TSPAN1: variants seen among roughly 807,000 people sequenced by gnomAD.
The protein encoded by TSPAN1 is tetraspanin-1.
TSPAN1 carries 23 observed loss-of-function variants against 26.9 expected under a neutral mutation model. That is an observed-to-expected ratio of 0.85 (90% CI 0.62 to 1.21). The LOEUF (loss-of-function observed/expected upper bound fraction) is 1.21, where lower values mean the gene tolerates loss of function less well. Among genes scored for constraint, TSPAN1 ranks in the 50% most tolerant of loss-of-function variants. The pLI is 0.00. For missense variants in TSPAN1, 283 were observed against 298.4 expected (o/e 0.95, Z 0.38); for synonymous variants, 115 against 114.8 (o/e 1.00, Z -0.01).
chr1:46,189,146 C>T (rs1657539778), downstream of TSPAN1: 1 of 1,498,330 alleles, frequency 6.7e-7, no homozygotes. Context: ...GTAATTAAGT[C>T]TCATGTTAAA....
Position 46,181,098 on chromosome 1 carries a change from A to G in TSPAN1, c.-8-2A>G. 1 of 1,613,854 alleles carries G rather than the reference A, an allele frequency of 6.2e-7. No homozygotes were observed. The highest frequency in any genetic ancestry group is 8.5e-7 in the Non-Finnish European group (1 of 1,179,862). On this transcript the variant is annotated splice_acceptor_variant, in intron 2 of 8. Coordinates refer to ENST00000372003, the MANE Select transcript of TSPAN1 (RefSeq NM_005727.4). LOFTEE classifies it low-confidence loss of function (5UTR_SPLICE). ...CCTAACTTGCACATGTCTACCTCCC[A>G]GGAGCCACCATGCAGTGCTTCAGCT...
At chr1:46,189,656 C>A (rs1657596002), downstream of TSPAN1, 2 of 1,555,318 alleles carry the variant, frequency 1.3e-6, no homozygotes, top group Admixed American at 3.9e-5. Flanking sequence ...CCCCACCCCT[C>A]CTCAGAAACC....
downstream of TSPAN1, chr1:46,190,816 C>T (rs762696315): frequency 2.4e-5 from 38 of 1,572,204 alleles, no homozygotes; most frequent in South Asian, 4.1e-4. Flanking sequence ...AAATCAGCAC[C>T]TCACATTGTC....
intron 2 of TSPAN1, 67 bp from the exon 3 acceptor site, chr1:46,181,033 A>C: frequency 7.0e-7 from 1 of 1,430,026 alleles, no homozygotes; most frequent in Non-Finnish European, 9.8e-7. Context: ...TGAATATCTG[A>C]AGCCAGGGCC....
At chr1:46,189,299 C>T (rs759578024), downstream of TSPAN1, 6 of 1,613,794 alleles carry the variant, frequency 3.7e-6, no homozygotes, top group Non-Finnish European at 5.1e-6. Flanking sequence ...CCTGGGGCTC[C>T]CTCCTCCTTT....
the TSPAN1 span, chr1:46,192,075 C>T: frequency 4.4e-6 from 7 of 1,608,816 alleles, no homozygotes; most frequent in South Asian, 2.2e-5. Flanking sequence ...CACACTGTGC[C>T]CTGCTCCCTG....
the TSPAN1 span, chr1:46,193,874 G>A: frequency 2.5e-6 from 4 of 1,614,006 alleles, no homozygotes; most frequent in African/African-American, 1.3e-5. Context: ...TAATTGGGTC[G>A]GTTCCCTGCA....
chr1:46,193,346 G>C, the TSPAN1 span: 4 of 1,613,512 alleles, frequency 2.5e-6, no homozygotes, highest in Non-Finnish European at 3.4e-6. Flanking sequence ...GGAGTATGCT[G>C]GATGCCCCTC....
At chr1:46,188,648 C>G, downstream of TSPAN1, 1 of 1,550,044 alleles carries the variant, frequency 6.5e-7, no homozygotes, top group Non-Finnish European at 8.7e-7. Flanking sequence ...CCTCCAGCAC[C>G]CCCCTGACAC....
downstream of TSPAN1, among the ~76,000 whole-genome samples, chr1:46,188,392 G>A (rs1297171826): frequency 6.6e-6 from 1 of 152,120 alleles, no homozygotes; most frequent in East Asian, 1.9e-4. Flanking sequence ...CAGGTGCCCG[G>A]CCCAGGCAAG....
At chr1:46,196,025 A>G in the TSPAN1 span, 1 of 1,614,070 alleles carries the variant, frequency 6.2e-7, no homozygotes, top group Non-Finnish European at 8.5e-7. The surrounding 1 kb of genome is among the most constrained non-coding windows in gnomAD (Gnocchi z 4.4). Flanking sequence ...GGCCTGGTTG[A>G]GGACAATGAC....
the TSPAN1 span, chr1:46,195,599 G>GTATCTTCAGCACCCAGAGAAGTACTTT: frequency 1.6e-6 from 1 of 628,824 alleles, no homozygotes; most frequent in African/African-American, 1.8e-5. Context: ...GTTTCCCATT[G>GTATCTTCAGCACCCAGAGAAGTACTTT]TATCTTCAGC....
downstream of TSPAN1, among the ~76,000 whole-genome samples, chr1:46,186,333 G>A (rs1657426047): frequency 6.6e-6 from 1 of 151,966 alleles, no homozygotes; most frequent in Non-Finnish European, 1.5e-5. Flanking sequence ...AGCCCTTCAG[G>A]AGCCCCCTTC....
downstream of TSPAN1, chr1:46,189,313 G>A: frequency 1.2e-6 from 2 of 1,613,816 alleles, no homozygotes; most frequent in Non-Finnish European, 1.7e-6. Flanking sequence ...CTCCTTTGGG[G>A]GTGGCTCCAG....
chr1:46,175,558 A>G (rs1657113469), intron 1 of TSPAN1, 149 bp downstream of exon 1: 1 of 398,778 alleles, frequency 2.5e-6, no homozygotes, highest in South Asian at 1.3e-4. Context: ...AGGGCAAACC[A>G]AGCTTCTGGG....
chr1:46,189,222 A>G (rs1206742676), downstream of TSPAN1: 1 of 1,579,282 alleles, frequency 6.3e-7, no homozygotes, highest in Admixed American at 1.9e-5. Context: ...AGGGCTAGCC[A>G]GCCTGGGGGT....
At chr1:46,186,671 T>G (rs796431372), downstream of TSPAN1, among the ~76,000 whole-genome samples, 3 of 140,594 alleles carry the variant, frequency 2.1e-5, no homozygotes, top group South Asian at 2.4e-4. Context: ...TGTGTTTTTT[T>G]TTTTTTTTTT....
At chr1:46,184,419 A>G (rs1657379877) in intron 4 of TSPAN1, 22 bp downstream of exon 4, 7 of 1,613,890 alleles carry the variant, frequency 4.3e-6, no homozygotes, top group Non-Finnish European at 5.9e-6. Context: ...CCAGCTCCAC[A>G]GGCTGATGAC....
At chr1:46,193,095 G>T in the TSPAN1 span, 1 of 1,607,734 alleles carries the variant, frequency 6.2e-7, no homozygotes, top group South Asian at 1.1e-5. Context: ...GAGGGGAAGA[G>T]CTTGCCACGT....
Sources: allele counts gnomAD v4.1 joint callset (sites outside exome capture counted in the v4.1 genomes callset), GRCh38; gene constraint gnomAD v4.1.1; non-coding constraint Gnocchi (gnomAD v3.1); transcripts MANE v1.5; gene names NCBI Gene and HGNC (gene_info 2026-07-23, HGNC 2026-07-21).